The following MYO1D variants were observed in gnomAD, a reference collection of about 807,000 sequenced individuals.
MYO1D encodes myosin ID.
A neutral mutation model predicts 122.0 loss-of-function variants in MYO1D; 83 were observed. The observed-to-expected ratio is 0.68, with a 90% CI of 0.57 to 0.82. The LOEUF is 0.82. Ranked by LOEUF, MYO1D falls within the 40% of genes least tolerant of loss-of-function variation. The probability of loss-of-function intolerance (pLI) is 0.00; values close to 1 mark genes in which losing one functional copy is unlikely to be tolerated. For missense variants in MYO1D, 1,157 were observed against 1,269.5 expected, an observed-to-expected ratio of 0.91 and a Z score of 1.35; for synonymous variants, 464 against 446.9, an observed-to-expected ratio of 1.04 and a Z score of -0.48.
rs568739800 is a variant in MYO1D at position 32,775,872 on chromosome 17, G to T, written c.556C>A (p.Leu186Ile). ...PIGGHINNYL[L>I]EKSRVIVQQP... ...AATTAAGCATATTTTACCTTTTCTA[G>T]TAAGTAGTTATTGATATGCCCACCA... Residue 186 changes from leucine (L) to isoleucine (I), a missense_variant, in exon 4 of 22, where the codon CTA becomes ATA. Leu to Ile is a conservative substitution (Grantham distance 5). Transcript: ENST00000318217. The T allele has an allele frequency of 1.2e-6, 2 of 1,608,852 alleles. No individual in the cohort carries two copies. The highest frequency in any genetic ancestry group is 1.7e-5 in the Admixed American group (1 of 59,166).
intron 16 of MYO1D, among the ~76,000 whole-genome samples, chr17:32,681,216 T>G (rs1386046787): frequency 2.0e-5 from 3 of 152,028 alleles, no homozygotes; most frequent in Admixed American, 6.6e-5. Context: ...CTGGATTCAT[T>G]GATTTTTCGA....
chr17:32,822,914 T>C (rs941845817), intron 1 of MYO1D, among the ~76,000 whole-genome samples: 4 of 151,956 alleles, frequency 2.6e-5, no homozygotes, highest in Non-Finnish European at 5.9e-5. Context: ...CACACCAACA[T>C]GGCACATGTA....
intron 21 of MYO1D, among the ~76,000 whole-genome samples, chr17:32,538,312 GCT>G (rs1910722729): frequency 6.7e-6 from 1 of 149,842 alleles, no homozygotes; most frequent in East Asian, 1.9e-4. Context: ...ACAGGGTCTA[GCT>G]CTGTTGCTCA....
intron 21 of MYO1D, among the ~76,000 whole-genome samples, chr17:32,529,429 G>A (rs1391494077): frequency 1.3e-5 from 2 of 152,220 alleles, no homozygotes; most frequent in East Asian, 3.9e-4. Flanking sequence ...TTTTGCAGTT[G>A]TAAGTTTCTC....
At chr17:32,609,130 C>A (rs534812889) in intron 20 of MYO1D, among the ~76,000 whole-genome samples, 4 of 152,276 alleles carry the variant, frequency 2.6e-5, no homozygotes, top group East Asian at 3.9e-4. Flanking sequence ...CACCCATGCA[C>A]GTAAATTATA....
At chr17:32,657,527 C>T (rs140059008) in intron 17 of MYO1D, among the ~76,000 whole-genome samples, 54 of 152,350 alleles carry the variant, frequency 3.5e-4, no homozygotes, top group African/African-American at 1.3e-3. Flanking sequence ...GAACCCTGGA[C>T]TAGATGGACA....
At chr17:32,858,911 C>T (rs566719894) in intron 1 of MYO1D, among the ~76,000 whole-genome samples, 66 of 152,316 alleles carry the variant, frequency 4.3e-4, no homozygotes, top group Non-Finnish European at 7.2e-4. Flanking sequence ...ATCTGTTTTA[C>T]ATTTTTCATC....
At position 32,772,793 on chromosome 17, in the gene MYO1D, T is replaced by A. The variant is rs761084897; in HGVS notation, c.614A>T (p.Tyr205Phe). The change falls in exon 5 of 22, where the codon TAT becomes TTT. Residue 205 changes from tyrosine to phenylalanine, a missense_variant. Transcript: ENST00000318217. ...TCTGTATAATGGATTACTAACCTGA[T>A]AGAAAGAATGAAAGCTTCTTTCTCC... ...QPGERSFHSF[Y>F]QLLQGGSEQM... The A allele has an allele frequency of 6.2e-7, 1 of 1,608,600 alleles. No homozygotes were observed. Among genetic ancestry groups the A allele is most frequent in the Non-Finnish European group, 8.5e-7 (1 of 1,174,946 alleles).
intron 17 of MYO1D, among the ~76,000 whole-genome samples, chr17:32,657,722 G>A (rs922989872): frequency 6.6e-6 from 1 of 152,212 alleles, no homozygotes; most frequent in Admixed American, 6.5e-5. Flanking sequence ...CTAGGTCAGT[G>A]CCTGCAACAC....
intron 12 of MYO1D, among the ~76,000 whole-genome samples, chr17:32,747,427 G>C (rs552198859): frequency 2.0e-5 from 3 of 152,216 alleles, no homozygotes; most frequent in Non-Finnish European, 2.9e-5. Flanking sequence ...AAATTCCCTG[G>C]AACCTGGGAA....
At chr17:32,711,437 C>G (rs952597935) in intron 16 of MYO1D, among the ~76,000 whole-genome samples, 1 of 152,196 alleles carries the variant, frequency 6.6e-6, no homozygotes, top group South Asian at 2.1e-4. Context: ...CACGAGGTCA[C>G]GAGTTCGAGA....
rs116163961 is a variant in MYO1D at position 32,767,831 on chromosome 17, T to C, written c.715-79A>G. On this transcript the variant is annotated intron_variant, in intron 6 of 21. Transcript: ENST00000318217. Reference sequence around the variant, plus strand: ...ATTCAACAATTATAAAACTAAGTTATACCAAGGTTTTGCCTTCATAGTAAA... The same window carrying C: ...ATTCAACAATTATAAAACTAAGTTACACCAAGGTTTTGCCTTCATAGTAAA... 630 of 1,043,920 alleles carry C rather than the reference T, an allele frequency of 6.0e-4. 1 individual carries two copies. In the African/African-American group the frequency reaches 8.4e-3, roughly 14 times the overall value. The allele number at this position is 1,043,920 out of a possible 1,614,324, so 64.7% of individuals were successfully genotyped here.
At chr17:32,575,622 A>C (rs1272323122) in intron 21 of MYO1D, among the ~76,000 whole-genome samples, 1 of 152,128 alleles carries the variant, frequency 6.6e-6, no homozygotes, top group Non-Finnish European at 1.5e-5. Flanking sequence ...AGCGAATCCC[A>C]TGGACTTCAC....
chr17:32,843,550 C>T (rs1217416116), intron 1 of MYO1D, among the ~76,000 whole-genome samples: 1 of 152,118 alleles, frequency 6.6e-6, no homozygotes, highest in Non-Finnish European at 1.5e-5. Context: ...ATCTGGCATG[C>T]TAAGAAAATC....
intron 1 of MYO1D, 64 bp from the exon 2 acceptor site, chr17:32,780,848 T>C (rs2090229988): frequency 6.8e-7 from 1 of 1,471,718 alleles, no homozygotes; most frequent in Non-Finnish European, 9.4e-7. Context: ...GTATCTGTCC[T>C]GTGAGTCTCT....
At chr17:32,606,007 G>A (rs1238499515) in intron 20 of MYO1D, among the ~76,000 whole-genome samples, 2 of 152,116 alleles carry the variant, frequency 1.3e-5, no homozygotes, top group African/African-American at 4.8e-5. Context: ...GGCTGAGGCA[G>A]GAGAACTGTT....
At chr17:32,651,765 TC>T (rs2088394383) in intron 19 of MYO1D, among the ~76,000 whole-genome samples, 1 of 151,188 alleles carries the variant, frequency 6.6e-6, no homozygotes, top group Admixed American at 6.6e-5. Context: ...AACCTCTGCT[TC>T]CCGGGTTCAA....
At position 32,864,021 on chromosome 17, in the gene MYO1D, T is replaced by C. The variant is rs1420702340; in HGVS notation, c.95+12757A>G. Among the ~76,000 whole-genome samples, 139 of 93,052 alleles carry C rather than the reference T, an allele frequency of 1.5e-3. 1 individual carries two copies. Among genetic ancestry groups the C allele is most frequent in the African/African-American group, 4.2e-3 (134 of 31,910 alleles). The allele number at this position is 93,052 out of a possible 152,430, so 61.0% of individuals were successfully genotyped here. A position where few individuals can be genotyped will look rare whatever the true frequency, so the allele number is the denominator to read the frequency against. ...AACATTTCTTCCTTTTTTTTTTTTT[T>C]TTTTTTTTTTTTTTTTTTTTTTTGG... On this transcript the variant is annotated intron_variant, in intron 1 of 21. Transcript: ENST00000318217.
chr17:32,717,028 T>C (rs1375381948), intron 15 of MYO1D, among the ~76,000 whole-genome samples: 1 of 152,232 alleles, frequency 6.6e-6, no homozygotes, highest in Non-Finnish European at 1.5e-5. Flanking sequence ...CTAAACTACT[T>C]GCAAAAAATC....
Sources: gnomAD v4.1 joint callset for allele counts (sites outside exome capture counted in the v4.1 genomes callset) on GRCh38, gnomAD v4.1.1 for gene constraint, MANE v1.5 for transcripts, NCBI Gene and HGNC (gene_info 2026-07-23, HGNC 2026-07-21) for gene names.